RTN4RL1: variants seen among roughly 807,000 people sequenced by gnomAD.
RTN4RL1 encodes the protein reticulon 4 receptor like 1.
RTN4RL1 carries 7 observed loss-of-function variants against 25.6 expected under a neutral mutation model. The ratio of observed to expected loss-of-function variants is 0.27; its 90% confidence interval spans 0.16 to 0.51. RTN4RL1 has a LOEUF of 0.51. Among genes scored for constraint, RTN4RL1 ranks in the 20% least tolerant of loss-of-function variants. RTN4RL1 has a pLI of 0.97. For missense variants in RTN4RL1, 500 were observed against 615.6 expected (o/e 0.81, Z 1.99); for synonymous variants, 297 against 288.2 (o/e 1.03, Z -0.31).
chr17:1,982,340 A>T (rs4790857), intron 1 of RTN4RL1, among the ~76,000 whole-genome samples: 3 of 151,730 alleles, frequency 2.0e-5, no homozygotes, highest in African/African-American at 7.3e-5. Flanking sequence ...AAGCCGGGCG[A>T]GGTGCCTCGC....
At chr17:2,016,106 C>T (rs1365369368) in intron 1 of RTN4RL1, among the ~76,000 whole-genome samples, 1 of 152,154 alleles carries the variant, frequency 6.6e-6, no homozygotes, top group Non-Finnish European at 1.5e-5. Context: ...GAAGGCCGGG[C>T]GCGGTGGCTC....
At chr17:1,941,290 G>C (rs1462816476) in intron 1 of RTN4RL1, among the ~76,000 whole-genome samples, 1 of 152,208 alleles carries the variant, frequency 6.6e-6, no homozygotes, top group Admixed American at 6.5e-5. Context: ...AAGGACCCCA[G>C]TTTAGGTGAA....
chr17:1,937,537 G>A lies in RTN4RL1; in HGVS notation c.285C>T (p.Thr95=), dbSNP rs780468831. 3 of 1,613,900 alleles carry A rather than the reference G, an allele frequency of 1.9e-6. No homozygotes were observed. Among genetic ancestry groups the A allele is most frequent in the Non-Finnish European group, 1.7e-6 (2 of 1,179,880 alleles). The change falls in exon 2 of 2, where the codon ACC becomes ACT. Residue 95 remains threonine, a synonymous_variant. Transcript: ENST00000331238. ...SNNITYIHPS[T]FEGFVHLEEL... is the part of the protein sequence containing the mutation. ...CCTCCAGGTGCACGAAGCCCTCGAAGGTGCTGGGGTGGATGTAGGTGATGT... is the reference window on the plus strand; with the variant it reads ...CCTCCAGGTGCACGAAGCCCTCGAAAGTGCTGGGGTGGATGTAGGTGATGT...
At chr17:2,006,334 AT>A (rs1173513531) in intron 1 of RTN4RL1, among the ~76,000 whole-genome samples, 1 of 151,042 alleles carries the variant, frequency 6.6e-6, no homozygotes, top group Non-Finnish European at 1.5e-5. Context: ...ATTTTTTTGT[AT>A]TTTTAGTAGA....
intron 1 of RTN4RL1, among the ~76,000 whole-genome samples, chr17:1,981,315 A>G (rs2066866349): frequency 6.6e-6 from 1 of 152,202 alleles, no homozygotes; most frequent in Non-Finnish European, 1.5e-5. Context: ...CTGGGGGTCA[A>G]GGCTGCAGTG....
chr17:1,970,180 C>T (rs2151312858), intron 1 of RTN4RL1, among the ~76,000 whole-genome samples: 1 of 152,262 alleles, frequency 6.6e-6, no homozygotes, highest in South Asian at 2.1e-4. Flanking sequence ...TGCCACCACG[C>T]CTGGCCAATT....
intron 1 of RTN4RL1, chr17:1,995,767 T>C (rs1359238280): frequency 6.6e-6 from 1 of 152,290 alleles, no homozygotes; most frequent in Admixed American, 6.5e-5. Flanking sequence ...GTGGGTCTAA[T>C]GTGCAACTGG....
At chr17:2,024,450 C>G (rs1228773489) in intron 1 of RTN4RL1, among the ~76,000 whole-genome samples, 2 of 151,630 alleles carry the variant, frequency 1.3e-5, no homozygotes, top group African/African-American at 4.9e-5. Flanking sequence ...TGCACGGGGG[C>G]GCCGTGCGGA....
At chr17:1,950,445 C>T (rs1167810509) in intron 1 of RTN4RL1, among the ~76,000 whole-genome samples, 5 of 152,112 alleles carry the variant, frequency 3.3e-5, no homozygotes, top group African/African-American at 7.2e-5. Flanking sequence ...GCATAACGTC[C>T]GAGAAGCCTT....
At chr17:1,944,278 CA>C (rs1475901644) in intron 1 of RTN4RL1, among the ~76,000 whole-genome samples, 1 of 152,136 alleles carries the variant, frequency 6.6e-6, no homozygotes, top group Non-Finnish European at 1.5e-5. Context: ...CAAAATGGGG[CA>C]GTCATTTAAA....
chr17:1,962,755 C>A (rs950726347), intron 1 of RTN4RL1, among the ~76,000 whole-genome samples: 1 of 150,114 alleles, frequency 6.7e-6, no homozygotes, highest in Non-Finnish European at 1.5e-5. Flanking sequence ...CCCAGCCACT[C>A]GGGAGGCTGA....
At chr17:2,009,311 T>C (rs1278798817) in intron 1 of RTN4RL1, among the ~76,000 whole-genome samples, 2 of 152,054 alleles carry the variant, frequency 1.3e-5, no homozygotes, top group Non-Finnish European at 1.5e-5. Context: ...AGTACAAACA[T>C]TGGCCAAGTG....
chr17:1,971,376 A>AT (rs1462929759), intron 1 of RTN4RL1, among the ~76,000 whole-genome samples: 2 of 152,216 alleles, frequency 1.3e-5, no homozygotes, highest in Non-Finnish European at 2.9e-5. Context: ...TTCGTTTATA[A>AT]ATCACCCAGT....
chr17:1,943,834 G>T (rs1471736660), intron 1 of RTN4RL1, among the ~76,000 whole-genome samples: 1 of 152,216 alleles, frequency 6.6e-6, no homozygotes, highest in Admixed American at 6.5e-5. Context: ...TGGACGTGGG[G>T]CGTGGGGTGT....
intron 1 of RTN4RL1, among the ~76,000 whole-genome samples, chr17:2,002,648 C>T (rs2151322914): frequency 1.3e-5 from 2 of 152,184 alleles, no homozygotes; most frequent in Admixed American, 1.3e-4. Context: ...CCCTTCCTTC[C>T]TTCCTTTCTT....
At position 1,937,375 on chromosome 17, in the gene RTN4RL1, G is replaced by C. The variant is rs1229011453; in HGVS notation, c.447C>G (p.His149Gln). 1 of 1,613,632 alleles carries C rather than the reference G, an allele frequency of 6.2e-7. No homozygotes were observed. Residue 149 changes from histidine (H) to glutamine (Q), a missense_variant, in exon 2 of 2, where the codon CAC becomes CAG. Physicochemically the swap from His to Gln is conservative, Grantham distance 24 (BLOSUM62 0). This residue lies in a region of RTN4RL1 where 232 missense variants were observed against 341.1 expected (regional missense o/e 0.68). Transcript: ENST00000331238. ...CCTGCAGGTAGAGGTACTGCAGGCT[G>C]TGCAGGCCGCCAAAGACGCCGGCCG... ...ALPAGVFGGL[H>Q]SLQYLYLQDN... is the part of the protein sequence containing the mutation.
chr17:1,946,661 T>G (rs1242951658), intron 1 of RTN4RL1, among the ~76,000 whole-genome samples: 1 of 148,308 alleles, frequency 6.7e-6, no homozygotes, highest in East Asian at 2.0e-4. Flanking sequence ...TATGTGTGTG[T>G]GCATGTGTGT....
rs958242078 is a variant in RTN4RL1, at chr17:1,994,855, T to C, written c.13+29998A>G. On this transcript the variant is annotated intron_variant, in intron 1 of 1. Transcript: ENST00000331238. The surrounding 1 kb of genome is among the most constrained non-coding windows in gnomAD (Gnocchi z 4.3). Reference sequence around the variant, plus strand: ...ATACCTGCATATAATCCCAGTACTTTGGGAAGCCGAGGTGGGAGGACTGCT... The same window carrying C: ...ATACCTGCATATAATCCCAGTACTTCGGGAAGCCGAGGTGGGAGGACTGCT... 6.6e-6 allele frequency among the ~76,000 whole-genome samples: 1 copy of C among 151,596 alleles called. No homozygotes were observed. The highest frequency in any genetic ancestry group is 6.6e-5 in the Admixed American group (1 of 15,216).
intron 1 of RTN4RL1, among the ~76,000 whole-genome samples, chr17:1,973,891 T>A (rs1178795113): frequency 6.6e-6 from 1 of 151,726 alleles, no homozygotes; most frequent in Non-Finnish European, 1.5e-5. Flanking sequence ...GTACAAAAAT[T>A]AGCCGGGTGT....
Sources: allele counts gnomAD v4.1 joint callset (sites outside exome capture counted in the v4.1 genomes callset), GRCh38; gene constraint gnomAD v4.1.1; regional missense constraint gnomAD v4.1.1; non-coding constraint Gnocchi (gnomAD v3.1); transcripts MANE v1.5; gene names NCBI Gene and HGNC (gene_info 2026-07-23, HGNC 2026-07-21).